HS3ST2: variants seen among roughly 807,000 people sequenced by gnomAD.
HS3ST2 encodes heparan sulfate glucosamine 3-O-sulfotransferase 2.
In HS3ST2, 17 loss-of-function variants were observed where a neutral mutation model predicts 26.3. The observed-to-expected ratio is 0.65, with a 90% confidence interval of 0.44 to 0.97. The LOEUF (loss-of-function observed/expected upper bound fraction) is 0.97. HS3ST2 is among the 50% of genes least tolerant of loss of function. The probability of loss-of-function intolerance (pLI) is 0.00; values close to 1 mark genes in which losing one functional copy is unlikely to be tolerated. For synonymous variants in HS3ST2, 237 were observed against 219.2 expected (o/e 1.08, Z -0.72); for missense variants, 402 against 501.2 (o/e 0.80, Z 1.89).
intron 1 of HS3ST2, among the ~76,000 whole-genome samples, chr16:22,884,347 A>G (rs1337068335): frequency 6.6e-6 from 1 of 152,190 alleles, no homozygotes; most frequent in African/African-American, 2.4e-5. Context: ...CACTAGTTAG[A>G]GGTTGGGCTG....
chr16:22,842,121 G>A (rs1350495637), intron 1 of HS3ST2, among the ~76,000 whole-genome samples: 2 of 142,284 alleles, frequency 1.4e-5, no homozygotes, highest in East Asian at 4.0e-4. Flanking sequence ...GAGTGCAGTG[G>A]TACAATCCTG....
At chr16:22,897,958 G>A (rs567459530) in intron 1 of HS3ST2, among the ~76,000 whole-genome samples, 15 of 152,270 alleles carry the variant, frequency 9.9e-5, no homozygotes, top group South Asian at 4.1e-4. Context: ...AATTTCATCC[G>A]TGAATCACTT....
At chr16:22,830,041 T>C (rs1057481247) in intron 1 of HS3ST2, among the ~76,000 whole-genome samples, 3 of 152,180 alleles carry the variant, frequency 2.0e-5, no homozygotes, top group Non-Finnish European at 4.4e-5. Flanking sequence ...CATTTGGTTA[T>C]AGAACTGGGC....
chr16:22,821,563 T>G (rs1900992874), intron 1 of HS3ST2, among the ~76,000 whole-genome samples: 1 of 151,948 alleles, frequency 6.6e-6, no homozygotes, highest in Non-Finnish European at 1.5e-5. Flanking sequence ...TGCGGGGTAG[T>G]GACTCAGAAC....
At position 22,914,763 on chromosome 16, in the gene HS3ST2, A is replaced by AAAAAAAAAAAAAAAAG. The variant is rs1489223344; in HGVS notation, c.486-180_486-179insAAAAAAAAAAAAAAGA. ...AAAAAAAAAAAAAAAAAAAAAAAAA[A>AAAAAAAAAAAAAAAAG]AGAGAAGAAAAGAAAATCAACAAGA... On this transcript the variant is annotated intron_variant, in intron 1 of 1. Coordinates refer to ENST00000261374, the MANE Select transcript of HS3ST2 (RefSeq NM_006043.2). 6.7e-5 allele frequency among the ~76,000 whole-genome samples: 8 copies of AAAAAAAAAAAAAAAAG among 118,688 alleles called. 1 individual carries two copies. Among genetic ancestry groups the AAAAAAAAAAAAAAAAG allele is most frequent in the African/African-American group, 2.6e-4 (7 of 26,622 alleles). 77.9% of individuals were successfully genotyped at this position (118,688 alleles called of 152,430 possible). A position where few individuals can be genotyped will look rare whatever the true frequency, so the allele number is the denominator to read the frequency against.
chr16:22,850,565 T>G (rs1480211085), intron 1 of HS3ST2, among the ~76,000 whole-genome samples: 2 of 152,052 alleles, frequency 1.3e-5, no homozygotes, highest in Non-Finnish European at 2.9e-5. Flanking sequence ...GGCAGGCAGA[T>G]CACTTGAGGT....
intron 1 of HS3ST2, among the ~76,000 whole-genome samples, chr16:22,882,097 C>T (rs1047138392): frequency 1.3e-5 from 2 of 152,204 alleles, no homozygotes; most frequent in Non-Finnish European, 2.9e-5. Flanking sequence ...TGGTGGCTCA[C>T]ACCTGTAATC....
At chr16:22,848,283 G>A (rs1389932950) in intron 1 of HS3ST2, among the ~76,000 whole-genome samples, 1 of 152,218 alleles carries the variant, frequency 6.6e-6, no homozygotes, top group African/African-American at 2.4e-5. Flanking sequence ...ACAAGGGCAA[G>A]AAGACTTCTG....
intron 1 of HS3ST2, among the ~76,000 whole-genome samples, chr16:22,854,130 A>G (rs1901556871): frequency 6.6e-6 from 1 of 152,164 alleles, no homozygotes; most frequent in Admixed American, 6.5e-5. Flanking sequence ...GTTGTTGTGC[A>G]TAGGGGAATG....
intron 1 of HS3ST2, among the ~76,000 whole-genome samples, chr16:22,886,526 G>C (rs945106183): frequency 6.6e-6 from 1 of 152,174 alleles, no homozygotes; most frequent in Non-Finnish European, 1.5e-5. Context: ...GTGAAGACTT[G>C]ATTTCACCTC....
At chr16:22,832,996 G>C (rs1368751335) in intron 1 of HS3ST2, among the ~76,000 whole-genome samples, 1 of 152,050 alleles carries the variant, frequency 6.6e-6, no homozygotes, top group African/African-American at 2.4e-5. Context: ...ATCTACCCTG[G>C]ACTGTTGATA....
intron 1 of HS3ST2, among the ~76,000 whole-genome samples, chr16:22,861,279 G>C (rs1045567565): frequency 3.3e-5 from 5 of 151,750 alleles, no homozygotes; most frequent in African/African-American, 1.2e-4. Context: ...GTCCATCAGA[G>C]ACTCTACACT....
chr16:22,855,295 C>T (rs1477928186), intron 1 of HS3ST2, among the ~76,000 whole-genome samples: 4 of 152,106 alleles, frequency 2.6e-5, no homozygotes, highest in Non-Finnish European at 5.9e-5. Flanking sequence ...GGGCCTTGAG[C>T]TGGGGGTTTT....
chr16:22,872,292 G>T (rs1203677025), intron 1 of HS3ST2, among the ~76,000 whole-genome samples: 1 of 152,130 alleles, frequency 6.6e-6, no homozygotes, highest in African/African-American at 2.4e-5. Flanking sequence ...TTTTCAAGGA[G>T]ATAAGTTCCC....
At chr16:22,910,453 A>G (rs79952564) in intron 1 of HS3ST2, among the ~76,000 whole-genome samples, 31 of 152,370 alleles carry the variant, frequency 2.0e-4, no homozygotes, top group Middle Eastern at 3.4e-3. Flanking sequence ...TGATTACCAT[A>G]TATGCCACAG....
chr16:22,914,766 A>AGG (rs1902470604), intron 1 of HS3ST2, among the ~76,000 whole-genome samples, 178 bp from the exon 2 acceptor site: 3 of 129,462 alleles, frequency 2.3e-5, no homozygotes, highest in Non-Finnish European at 3.3e-5. Context: ...AAAAAAAAAG[A>AGG]GAAGAAAAGA....
In HS3ST2 at chr16:22,915,524, T is replaced by C. The variant is rs2141752086; in HGVS notation, c.1066T>C (p.Phe356Leu). 3 of 1,613,714 alleles carry C rather than the reference T, an allele frequency of 1.9e-6. No homozygotes were observed. The highest frequency in any genetic ancestry group is 2.5e-6 in the Non-Finnish European group (3 of 1,179,840). The change falls in exon 2 of 2, where the codon TTT becomes CTT. Residue 356 changes from phenylalanine (F) to leucine (L), a missense_variant. Transcript: ENST00000261374. ...REFYRPYNIK[F>L]YETVGQDFRW... ...ATTTTATAGACCGTATAATATCAAATTTTATGAAACCGTTGGGCAGGACTT... is the reference window on the plus strand; with the variant it reads ...ATTTTATAGACCGTATAATATCAAACTTTATGAAACCGTTGGGCAGGACTT...
intron 1 of HS3ST2, among the ~76,000 whole-genome samples, chr16:22,898,805 G>T (rs1902242436): frequency 6.6e-6 from 1 of 152,212 alleles, no homozygotes. Context: ...ACTTCCCAGT[G>T]CATGGCCCTT....
chr16:22,849,189 T>C (rs1391330441), intron 1 of HS3ST2, among the ~76,000 whole-genome samples: 3 of 152,164 alleles, frequency 2.0e-5, no homozygotes, highest in African/African-American at 2.4e-5. Context: ...TCTCTGGCAG[T>C]TATGGCTCCC....
Sources: gnomAD v4.1 joint callset for allele counts (sites outside exome capture counted in the v4.1 genomes callset) on GRCh38, gnomAD v4.1.1 for gene constraint, MANE v1.5 for transcripts, NCBI Gene and HGNC (gene_info 2026-07-23, HGNC 2026-07-21) for gene names.